RBM8A: variants seen among roughly 807,000 people sequenced by gnomAD.
The protein encoded by RBM8A is RNA binding motif protein 8A.
RBM8A carries 8 observed loss-of-function variants against 25.1 expected under a neutral mutation model. The observed-to-expected ratio is 0.32, with a 90% CI of 0.19 to 0.58. The LOEUF (loss-of-function observed/expected upper bound fraction) is 0.58. Among genes scored for constraint, RBM8A ranks in the 20% least tolerant of loss-of-function variants. The probability of loss-of-function intolerance (pLI) is 0.88; values close to 1 mark genes in which losing one functional copy is unlikely to be tolerated. For missense variants in RBM8A, 114 were observed against 236.8 expected, an observed-to-expected ratio of 0.48 and a Z score of 3.40; for synonymous variants, 66 against 80.0, an observed-to-expected ratio of 0.82 and a Z score of 0.94.
At position 145,926,624 on chromosome 1, in the gene RBM8A, G is replaced by C; in HGVS notation, c.206-6C>G. ...GAGAATCCAGCCTTCAACAGCTGTT[G>C]GGGGACGGGGGGAAGTTGTATGAGT... On this transcript the variant is annotated splice_region_variant and splice_polypyrimidine_tract_variant and intron_variant, in intron 3 of 5. Transcript: ENST00000583313. 6.2e-7 allele frequency: 1 copy of C among 1,613,950 alleles called. No homozygotes were observed. The highest frequency in any genetic ancestry group is 8.5e-7 in the Non-Finnish European group (1 of 1,179,926).
Position 145,924,269 on chromosome 1 carries a change from T to G in RBM8A, c.*1613A>C, listed in dbSNP as rs1647975740. On this transcript the variant is annotated 3_prime_UTR_variant, in exon 6 of 6. Coordinates refer to ENST00000583313, the MANE Select transcript of RBM8A (RefSeq NM_005105.5). The stretch of plus-strand genomic sequence containing the variant: ...GACCACCTATAACCTCTTCACCTTC[T>G]GCTGCCTCTTTCTGCTGCCACTGAC... The G allele has an allele frequency of 1.7e-6, 1 of 585,070 alleles. No individual in the cohort carries two copies. The allele number at this position is 585,070 out of a possible 1,614,324, so 36.2% of individuals were successfully genotyped here.
intron 1 of RBM8A, 116 bp downstream of exon 1, chr1:145,927,244 A>C (rs1413839434): frequency 1.4e-6 from 2 of 1,461,510 alleles, no homozygotes; most frequent in Non-Finnish European, 1.9e-6. Flanking sequence ...TAATCCACCC[A>C]AGACCCGGTT....
At position 145,923,372 on chromosome 1, in the gene RBM8A, G is replaced by C. The variant is rs1292109136; in HGVS notation, c.*2510C>G. The C allele has an allele frequency of 6.6e-6, 1 of 152,308 alleles. No individual in the cohort carries two copies. The highest frequency in any genetic ancestry group is 1.5e-5 in the Non-Finnish European group (1 of 68,240). The allele number at this position is 152,308 out of a possible 1,614,324, so 9.4% of individuals were successfully genotyped here. On this transcript the variant is annotated 3_prime_UTR_variant, in exon 6 of 6. Transcript: ENST00000583313. Reference sequence around the variant, plus strand: ...ACCATTTCCCAACTAGCTCAGAGTAGCCTGATCGTAACTCCAAACAGTTCA... The same window carrying C: ...ACCATTTCCCAACTAGCTCAGAGTACCCTGATCGTAACTCCAAACAGTTCA...
rs1553755811 is a variant in RBM8A, at chr1:145,926,066, G to A, written c.454C>T (p.Arg152Trp). 6.2e-7 allele frequency: 1 copy of A among 1,614,122 alleles called. No homozygotes were observed. The highest frequency in any genetic ancestry group is 8.5e-7 in the Non-Finnish European group (1 of 1,180,020). The change falls in exon 5 of 6, where the codon CGG becomes TGG. Residue 152 changes from arginine to tryptophan, a missense_variant. Physicochemically the swap from Arg to Trp is moderately radical, Grantham distance 101. This residue lies in a region of RBM8A where 102 missense variants were observed against 182.7 expected (regional missense o/e 0.56). Coordinates refer to ENST00000583313, the MANE Select transcript of RBM8A (RefSeq NM_005105.5). Reference protein sequence around the residue: ...QPISVDWCFVRGPPKGKRRGG... With the variant: ...QPISVDWCFVWGPPKGKRRGG... Reference sequence around the variant, plus strand: ...CTCCTCTTGCCTTTTGGTGGACCCCGAACAAAACACCAGTCAACGCTGATG... The same window carrying A: ...CTCCTCTTGCCTTTTGGTGGACCCCAAACAAAACACCAGTCAACGCTGATG...
Position 145,924,459 on chromosome 1 carries a change from G to C in RBM8A, c.*1423C>G. ...CTACCTACCTAATAGCTATCTACCA[G>C]TCACTAAACCATGGTGAGATTCTAA... On this transcript the variant is annotated 3_prime_UTR_variant, in exon 6 of 6. Transcript: ENST00000583313. 2.4e-6 allele frequency: 1 copy of C among 425,214 alleles called. No individual in the cohort carries two copies. The highest frequency in any genetic ancestry group is 7.3e-5 in the East Asian group (1 of 13,726). The allele number at this position is 425,214 out of a possible 1,614,324, so 26.3% of individuals were successfully genotyped here. A position where few individuals can be genotyped will look rare whatever the true frequency, so the allele number is the denominator to read the frequency against.
rs1553755080 is a variant in RBM8A, at chr1:145,922,277, G to T, written c.*3605C>A. 1.3e-5 allele frequency: 2 copies of T among 152,212 alleles called. No individual in the cohort carries two copies. Among genetic ancestry groups the T allele is most frequent in the African/African-American group, 4.8e-5 (2 of 41,446 alleles). The allele number at this position is 152,212 out of a possible 1,614,324, so 9.4% of individuals were successfully genotyped here. A position where few individuals can be genotyped will look rare whatever the true frequency, so the allele number is the denominator to read the frequency against. On this transcript the variant is annotated 3_prime_UTR_variant, in exon 6 of 6. Transcript: ENST00000583313. Reference sequence around the variant, plus strand: ...AATACTTCTAATATGTTGCAAACAAGACCTTTACCAATCCAAGTGTTAAAA... The same window carrying T: ...AATACTTCTAATATGTTGCAAACAATACCTTTACCAATCCAAGTGTTAAAA...
In RBM8A at chr1:145,924,275, C is replaced by A. The variant is rs1553755427; in HGVS notation, c.*1607G>T. ...CTATAACCTCTTCACCTTCTGCTGC[C>A]TCTTTCTGCTGCCACTGACTGCCAT... On this transcript the variant is annotated 3_prime_UTR_variant, in exon 6 of 6. Coordinates refer to ENST00000583313, the MANE Select transcript of RBM8A (RefSeq NM_005105.5). The A allele has an allele frequency of 1.7e-6, 1 of 573,948 alleles. No homozygotes were observed. Among genetic ancestry groups the A allele is most frequent in the African/African-American group, 1.8e-5 (1 of 54,064 alleles). 35.6% of individuals were successfully genotyped at this position (573,948 alleles called of 1,614,324 possible).
Position 145,924,049 on chromosome 1 carries a change from T to A in RBM8A, c.*1833A>T. 1 of 694,298 alleles carries A rather than the reference T, an allele frequency of 1.4e-6. No individual in the cohort carries two copies. Among genetic ancestry groups the A allele is most frequent in the South Asian group, 1.5e-5 (1 of 64,712 alleles). The allele number at this position is 694,298 out of a possible 1,614,324, so 43.0% of individuals were successfully genotyped here. On this transcript the variant is annotated 3_prime_UTR_variant, in exon 6 of 6. Transcript: ENST00000583313. ...GATGAACTGTTTCTCAGCACTGTGC[T>A]GCTTCACTTGGAATTAAGGATGAAT...
rs77111400 is a variant in RBM8A at position 145,923,239 on chromosome 1, A to G, written c.*2643T>C. On this transcript the variant is annotated 3_prime_UTR_variant, in exon 6 of 6. Transcript: ENST00000583313. ...CCACCGCGCCCAGCCAGCTTTGACT[A>G]TTTTTATACTCCTCACAATTCTCAA... The G allele has an allele frequency of 6.6e-6, 1 of 151,930 alleles. No individual in the cohort carries two copies. Among genetic ancestry groups the G allele is most frequent in the African/African-American group, 2.4e-5 (1 of 41,288 alleles). The allele number at this position is 151,930 out of a possible 1,614,324, so 9.4% of individuals were successfully genotyped here. A position where few individuals can be genotyped will look rare whatever the true frequency, so the allele number is the denominator to read the frequency against.
In RBM8A at chr1:145,926,079, G is replaced by C. The variant is rs1553755813; in HGVS notation, c.441C>G (p.Asp147Glu). 2 of 1,614,194 alleles carry C rather than the reference G, an allele frequency of 1.2e-6. No homozygotes were observed. The highest frequency in any genetic ancestry group is 8.5e-7 in the Non-Finnish European group (1 of 1,180,026). Reference sequence around the variant, plus strand: ...TTGGTGGACCCCGAACAAAACACCAGTCAACGCTGATGGGCTGTCCCATCA... The same window carrying C: ...TTGGTGGACCCCGAACAAAACACCACTCAACGCTGATGGGCTGTCCCATCA... ...QDLMGQPISV[D>E]WCFVRGPPKG... Residue 147 changes from aspartate to glutamate, a missense_variant, in exon 5 of 6, where the codon GAC becomes GAG. This residue lies in a region of RBM8A where 102 missense variants were observed against 182.7 expected (regional missense o/e 0.56). Coordinates refer to ENST00000583313, the MANE Select transcript of RBM8A (RefSeq NM_005105.5).
rs781888974 is a variant in RBM8A, at chr1:145,926,857, C to T, written c.157G>A (p.Asp53Asn). The T allele has an allele frequency of 6.2e-7, 1 of 1,614,128 alleles. No homozygotes were observed. The highest frequency in any genetic ancestry group is 8.5e-7 in the Non-Finnish European group (1 of 1,180,016). Residue 53 changes from aspartate to asparagine, a missense_variant, in exon 3 of 6, where the codon GAT becomes AAT. Around this residue, in one of 2 missense-constraint regions of RBM8A, gnomAD observed 102 missense variants for 182.7 expected, o/e 0.56. Transcript: ENST00000583313. The stretch of plus-strand genomic sequence containing the variant: ...CCATCCTGCTCCACGCTGTCATAAT[C>T]CTCACGCATCCGCGCTCGGGACCCC... ...EEGSRARMRE[D>N]YDSVEQDGDE...
rs782333774 is a variant in RBM8A at position 145,926,898 on chromosome 1, A to G, written c.128-12T>C. 1.1e-5 allele frequency: 17 copies of G among 1,614,038 alleles called. No individual in the cohort carries two copies. The South Asian group carries it at 1.3e-4, about 13-fold the overall frequency. ...TCGGGACCCCTCTTCTATAAGGGAC[A>G]TACACGAGATCACCGAAAACTCCTC... On this transcript the variant is annotated splice_polypyrimidine_tract_variant and intron_variant, in intron 2 of 5. Transcript: ENST00000583313.
At position 145,924,386 on chromosome 1, in the gene RBM8A, C is replaced by A; in HGVS notation, c.*1496G>T. 2 of 479,336 alleles carry A rather than the reference C, an allele frequency of 4.2e-6. No homozygotes were observed. The highest frequency in any genetic ancestry group is 8.6e-6 in the Non-Finnish European group (2 of 233,906). The allele number at this position is 479,336 out of a possible 1,614,324, so 29.7% of individuals were successfully genotyped here. ...CCATGGTGAGACTCCAATTCCCAGG[C>A]CTTAATCCTTAACCCTAGACCTGTT... On this transcript the variant is annotated 3_prime_UTR_variant, in exon 6 of 6. Coordinates refer to ENST00000583313, the MANE Select transcript of RBM8A (RefSeq NM_005105.5).
At position 145,923,638 on chromosome 1, in the gene RBM8A, G is replaced by A. The variant is rs1382564571; in HGVS notation, c.*2244C>T. The stretch of plus-strand genomic sequence containing the variant: ...CAGCAATTTAACAAAAAGGGGGAGG[G>A]GCAGCCCAATAGCATTTGGAAAATG... On this transcript the variant is annotated 3_prime_UTR_variant, in exon 6 of 6. Coordinates refer to ENST00000583313, the MANE Select transcript of RBM8A (RefSeq NM_005105.5). The A allele has an allele frequency of 1.8e-5, 6 of 332,708 alleles. No homozygotes were observed. The highest frequency in any genetic ancestry group is 2.7e-5 in the Non-Finnish European group (5 of 183,690). 20.6% of individuals were successfully genotyped at this position (332,708 alleles called of 1,614,324 possible). A position where few individuals can be genotyped will look rare whatever the true frequency, so the allele number is the denominator to read the frequency against.
In RBM8A at chr1:145,924,346, G is replaced by A. The variant is rs1647982618; in HGVS notation, c.*1536C>T. On this transcript the variant is annotated 3_prime_UTR_variant, in exon 6 of 6. Transcript: ENST00000583313. ...TTGTCCTCAGTGTGTCCAGGCCCCA[G>A]ACAAGGAAGGGGAGCCATGGTGAGA... 1 of 495,526 alleles carries A rather than the reference G, an allele frequency of 2.0e-6. No homozygotes were observed. Among genetic ancestry groups the A allele is most frequent in the Non-Finnish European group, 4.1e-6 (1 of 244,162 alleles). 30.7% of individuals were successfully genotyped at this position (495,526 alleles called of 1,614,324 possible).
In RBM8A at chr1:145,924,304, C is replaced by A. The variant is rs781957502; in HGVS notation, c.*1578G>T. ...TTCTGCTGCCACTGACTGCCATGGC[C>A]ATCTGCTATAGCCGCATTGTCCTCA... On this transcript the variant is annotated 3_prime_UTR_variant, in exon 6 of 6. Coordinates refer to ENST00000583313, the MANE Select transcript of RBM8A (RefSeq NM_005105.5). 22 of 537,920 alleles carry A rather than the reference C, an allele frequency of 4.1e-5. No homozygotes were observed. The highest frequency in any genetic ancestry group is 1.7e-4 in the South Asian group (11 of 65,090). 33.3% of individuals were successfully genotyped at this position (537,920 alleles called of 1,614,324 possible).
At chr1:145,927,172 C>A in intron 1 of RBM8A, 95 bp from the exon 2 acceptor site, 2 of 1,525,964 alleles carry the variant, frequency 1.3e-6, no homozygotes, top group Non-Finnish European at 1.8e-6. Context: ...CGACCCACAC[C>A]GCCTCCAGTC....
At chr1:145,926,936 G>A in intron 2 of RBM8A, 50 bp from the exon 3 acceptor site, 1 of 1,613,800 alleles carries the variant, frequency 6.2e-7, no homozygotes, top group African/African-American at 1.3e-5. Context: ...TTCTCCCATT[G>A]TTCCTATGAG....
Position 145,922,469 on chromosome 1 carries a change from G to C in RBM8A, c.*3413C>G, listed in dbSNP as rs1647838480. On this transcript the variant is annotated 3_prime_UTR_variant, in exon 6 of 6. Coordinates refer to ENST00000583313, the MANE Select transcript of RBM8A (RefSeq NM_005105.5). The stretch of plus-strand genomic sequence containing the variant: ...AACTAGCTATATGATTTTGGCTAAG[G>C]CACTTGAAATCCATGGGCCACAAGA... The C allele has an allele frequency of 6.6e-6, 1 of 152,124 alleles. No individual in the cohort carries two copies. The highest frequency in any genetic ancestry group is 1.5e-5 in the Non-Finnish European group (1 of 68,032). 9.4% of individuals were successfully genotyped at this position (152,124 alleles called of 1,614,324 possible).
Sources: allele counts gnomAD v4.1 joint callset, GRCh38; gene constraint gnomAD v4.1.1; regional missense constraint gnomAD v4.1.1; transcripts MANE v1.5; gene names NCBI Gene and HGNC (gene_info 2026-07-23, HGNC 2026-07-21).